The following PPRC1 variants were observed in gnomAD, a reference collection of about 807,000 sequenced individuals.
The protein encoded by PPRC1 is peroxisome proliferator-activated receptor gamma coactivator-related protein 1.
PPRC1 carries 23 observed loss-of-function variants against 132.5 expected under a neutral mutation model. The ratio of observed to expected loss-of-function variants is 0.17; its 90% confidence interval spans 0.12 to 0.25. The LOEUF is 0.25. PPRC1 is among the 10% of genes least tolerant of loss of function. The probability of loss-of-function intolerance (pLI) is 1.00; values close to 1 mark genes in which losing one functional copy is unlikely to be tolerated. For synonymous variants in PPRC1, 872 were observed against 833.5 expected, an observed-to-expected ratio of 1.05 and a Z score of -0.80; for missense variants, 2,006 against 2,089.1, an observed-to-expected ratio of 0.96 and a Z score of 0.78.
Position 102,148,236 on chromosome 10 carries a change from C to G in PPRC1, c.4401-136C>G. 3.0e-6 allele frequency: 3 copies of G among 1,002,968 alleles called. No individual in the cohort carries two copies. Among genetic ancestry groups the G allele is most frequent in the Non-Finnish European group, 2.9e-6 (2 of 678,026 alleles). 62.1% of individuals were successfully genotyped at this position (1,002,968 alleles called of 1,614,324 possible). ...TGTTCATCTCTGAATGAAAATTGTT[C>G]TTCTAGACCTCTTCTACTCTGCTTT... On this transcript the variant is annotated intron_variant, in intron 9 of 13. Transcript: ENST00000278070. The surrounding 1 kb of genome is among the most constrained non-coding windows in gnomAD (Gnocchi z 4.2).
chr10:102,142,134 A>G, intron 5 of PPRC1, 130 bp downstream of exon 5: 1 of 1,128,148 alleles, frequency 8.9e-7, no homozygotes, highest in Non-Finnish European at 1.2e-6. Context: ...TTATTTTGAG[A>G]TGGAGTCTTG....
intron 2 of PPRC1, among the ~76,000 whole-genome samples, chr10:102,138,369 C>T (rs1377926183): frequency 3.9e-5 from 6 of 152,182 alleles, no homozygotes; most frequent in Non-Finnish European, 7.3e-5. Context: ...GAGCATCCCA[C>T]ATCTTATCTG....
chr10:102,133,843 G>A (rs1454120133), intron 1 of PPRC1, among the ~76,000 whole-genome samples: 1 of 152,060 alleles, frequency 6.6e-6, no homozygotes, highest in Non-Finnish European at 1.5e-5. Flanking sequence ...GGGAAGGAAG[G>A]TAAGGGCTGC....
At chr10:102,122,286 A>G in the PPRC1 span, among the ~76,000 whole-genome samples, 1 of 152,204 alleles carries the variant, frequency 6.6e-6, no homozygotes, top group Middle Eastern at 3.4e-3. Context: ...CTAGGTTTGA[A>G]CGCAAGATTC....
Position 102,148,444 on chromosome 10 carries a change from T to TTCCTCA in PPRC1, c.4482_4487dup (p.Ser1498_Ser1499dup). 6.2e-7 allele frequency: 1 copy of TTCCTCA among 1,611,416 alleles called. No homozygotes were observed. The highest frequency in any genetic ancestry group is 1.7e-4 in the Middle Eastern group (1 of 6,032). On this transcript the variant is annotated inframe_insertion, in exon 10 of 14. Coordinates refer to ENST00000278070, the MANE Select transcript of PPRC1 (RefSeq NM_015062.5). The surrounding 1 kb of genome is among the most constrained non-coding windows in gnomAD (Gnocchi z 4.2). Reference sequence around the variant, plus strand: ...CTTCGTCATCATCTTCCTCTTCGTCTTCCTCATCCTCATCATCCAGTTCTC... The same window carrying TTCCTCA: ...CTTCGTCATCATCTTCCTCTTCGTCTTCCTCATCCTCATCCTCATCATCCAGTTCTC...
At chr10:102,131,247 C>T (rs1253900266), upstream of PPRC1, among the ~76,000 whole-genome samples, 1 of 151,704 alleles carries the variant, frequency 6.6e-6, no homozygotes, top group East Asian at 1.9e-4. Context: ...CTGTAGTACC[C>T]AGCTACTCTG....
At chr10:102,144,498 G>T in intron 7 of PPRC1, 191 bp downstream of exon 7, 1 of 607,266 alleles carries the variant, frequency 1.6e-6, no homozygotes, top group Admixed American at 3.0e-5. Flanking sequence ...TGAGAACGGG[G>T]CATGTTCACT....
intron 1 of PPRC1, among the ~76,000 whole-genome samples, chr10:102,133,443 G>C (rs1244784476): frequency 6.6e-6 from 1 of 152,106 alleles, no homozygotes; most frequent in African/African-American, 2.4e-5. Context: ...GGGAGAGCGG[G>C]GTGTCGGAAA....
chr10:102,140,724 C>T lies in PPRC1; in HGVS notation c.2216C>T (p.Thr739Ile). 1 of 1,614,038 alleles carries T rather than the reference C, an allele frequency of 6.2e-7. No homozygotes were observed. The highest frequency in any genetic ancestry group is 1.3e-5 in the African/African-American group (1 of 75,002). Reference protein sequence around the residue: ...VVDSLKIESGTSATTHEARPR... With the variant: ...VVDSLKIESGISATTHEARPR... ...GATTCTCTGAAAATTGAAAGTGGTA[C>T]CAGTGCTACAACCCATGAAGCCAGA... Residue 739 changes from threonine (T) to isoleucine (I), a missense_variant, in exon 5 of 14, where the codon ACC becomes ATC. Physicochemically the swap from Thr to Ile is moderately conservative, Grantham distance 89. This residue lies in a region of PPRC1 where 1,914 missense variants were observed against 1,917.2 expected (regional missense o/e 1.00). Coordinates refer to ENST00000278070, the MANE Select transcript of PPRC1 (RefSeq NM_015062.5).
chr10:102,137,458 G>A (rs901021087), intron 1 of PPRC1, among the ~76,000 whole-genome samples: 1 of 152,170 alleles, frequency 6.6e-6, no homozygotes, highest in African/African-American at 2.4e-5. Context: ...ATTTGAGGTA[G>A]GTGAGGTTGT....
upstream of PPRC1, among the ~76,000 whole-genome samples, chr10:102,128,234 G>T (rs989330043): frequency 6.6e-6 from 1 of 151,824 alleles, no homozygotes. Context: ...CCGACTCCCT[G>T]GTTCAAGCGA....
At chr10:102,127,033 AT>A in the PPRC1 span, among the ~76,000 whole-genome samples, 3 of 48,138 alleles carry the variant, frequency 6.2e-5, no homozygotes, top group Admixed American at 2.7e-4. Context: ...ATATATATAT[AT>A]ATATATATAT....
At chr10:102,127,068 T>TA in the PPRC1 span, among the ~76,000 whole-genome samples, 1 of 74,100 alleles carries the variant, frequency 1.3e-5, no homozygotes, top group African/African-American at 6.7e-5. Flanking sequence ...TATATATATA[T>TA]AAATTAAAAA....
At chr10:102,123,521 T>A in the PPRC1 span, among the ~76,000 whole-genome samples, 1 of 152,180 alleles carries the variant, frequency 6.6e-6, no homozygotes, top group Non-Finnish European at 1.5e-5. Context: ...AAAATTCACA[T>A]AACATAAAAT....
Position 102,140,238 on chromosome 10 carries a change from T to C in PPRC1, c.1730T>C (p.Val577Ala), listed in dbSNP as rs2068898470. The C allele has an allele frequency of 1.2e-6, 2 of 1,614,172 alleles. No individual in the cohort carries two copies. Among genetic ancestry groups the C allele is most frequent in the South Asian group, 2.2e-5 (2 of 91,090 alleles). Residue 577 changes from valine (V) to alanine (A), a missense_variant, in exon 5 of 14, where the codon GTC becomes GCC. Val to Ala is a moderately conservative substitution (Grantham distance 64). Around this residue, in one of 2 missense-constraint regions of PPRC1, gnomAD observed 1,914 missense variants for 1,917.2 expected, o/e 1.00. Transcript: ENST00000278070. ...CCTATACCAACCCATCTCTCATTGG[T>C]CGACTCTGCCCAAGCCAGCCCCATG... Reference protein sequence around the residue: ...TNPIPTHLSLVDSAQASPMPV... With the variant: ...TNPIPTHLSLADSAQASPMPV...
chr10:102,120,752 C>G, the PPRC1 span, among the ~76,000 whole-genome samples: 2 of 152,110 alleles, frequency 1.3e-5, no homozygotes, highest in African/African-American at 2.4e-5. Flanking sequence ...GCTCGGTGTC[C>G]GTCCTCCGGG....
chr10:102,123,170 C>A, the PPRC1 span, among the ~76,000 whole-genome samples: 1 of 152,180 alleles, frequency 6.6e-6, no homozygotes, highest in Non-Finnish European at 1.5e-5. Context: ...TACAGGAACT[C>A]CATTTAGGCA....
At chr10:102,145,827 T>G (rs2069213210) in intron 8 of PPRC1, among the ~76,000 whole-genome samples, 1 of 152,102 alleles carries the variant, frequency 6.6e-6, no homozygotes, top group African/African-American at 2.4e-5. Flanking sequence ...ATTGCGCCAC[T>G]GCCCTCCAGC....
chr10:102,134,861 G>T (rs1454782535), intron 1 of PPRC1, among the ~76,000 whole-genome samples: 2 of 152,214 alleles, frequency 1.3e-5, no homozygotes, highest in African/African-American at 4.8e-5. Context: ...GGGAGAGTCA[G>T]GAAGGATCCA....
Sources: gnomAD v4.1 joint callset for allele counts (sites outside exome capture counted in the v4.1 genomes callset) on GRCh38, gnomAD v4.1.1 for gene constraint, gnomAD v4.1.1 regional missense constraint, Gnocchi (gnomAD v3.1) non-coding constraint, MANE v1.5 for transcripts, NCBI Gene and HGNC (gene_info 2026-07-23, HGNC 2026-07-21) for gene names.